The following CNTNAP2 variants were observed in gnomAD, a reference collection of about 807,000 sequenced individuals.
CNTNAP2 encodes contactin associated protein 2.
In CNTNAP2, 98 loss-of-function variants were observed where a neutral mutation model predicts 155.2. The ratio of observed to expected loss-of-function variants is 0.63; its 90% CI spans 0.54 to 0.75. CNTNAP2 has a LOEUF of 0.75. Ranked by LOEUF, CNTNAP2 falls within the 30% of genes least tolerant of loss-of-function variation. The pLI is 0.00. For synonymous variants in CNTNAP2, 651 were observed against 631.2 expected (o/e 1.03, Z -0.47); for missense variants, 1,727 against 1,688.1 (o/e 1.02, Z -0.40).
chr7:147,344,559 G>T (rs1795816824), intron 9 of CNTNAP2, among the ~76,000 whole-genome samples: 1 of 152,186 alleles, frequency 6.6e-6, no homozygotes, highest in African/African-American at 2.4e-5. Flanking sequence ...GATCTGAAAG[G>T]TATATATCAA....
intron 1 of CNTNAP2, among the ~76,000 whole-genome samples, chr7:146,313,869 C>T (rs894235210): frequency 2.0e-5 from 3 of 151,976 alleles, no homozygotes; most frequent in Non-Finnish European, 4.4e-5. Context: ...TGTGGTAGCA[C>T]ATACCTGTAG....
intron 10 of CNTNAP2, among the ~76,000 whole-genome samples, chr7:147,464,532 C>T (rs1328651683): frequency 6.7e-6 from 1 of 148,762 alleles, no homozygotes; most frequent in Non-Finnish European, 1.5e-5. Context: ...CACAAATGTG[C>T]TATGTGACCT....
At chr7:146,782,695 C>A (rs750360817) in intron 2 of CNTNAP2, among the ~76,000 whole-genome samples, 1 of 152,040 alleles carries the variant, frequency 6.6e-6, no homozygotes, top group East Asian at 1.9e-4. Flanking sequence ...AAGTATGGTC[C>A]CTCTACTTGT....
At chr7:148,412,421 T>A (rs1294809612) in intron 23 of CNTNAP2, among the ~76,000 whole-genome samples, 1 of 152,272 alleles carries the variant, frequency 6.6e-6, no homozygotes, top group Non-Finnish European at 1.5e-5. Flanking sequence ...ATTTGTCTCA[T>A]CAGTTTCTCT....
intron 3 of CNTNAP2, among the ~76,000 whole-genome samples, chr7:146,966,606 A>G (rs1344875038): frequency 6.6e-6 from 1 of 152,206 alleles, no homozygotes; most frequent in African/African-American, 2.4e-5. Context: ...TCTCCTACAG[A>G]CAAATGATTC....
At chr7:147,270,864 A>G (rs1201596338) in intron 8 of CNTNAP2, among the ~76,000 whole-genome samples, 2 of 152,188 alleles carry the variant, frequency 1.3e-5, no homozygotes, top group African/African-American at 4.8e-5. Context: ...TTCATTTGCC[A>G]TTAGGACGAC....
chr7:147,520,803 T>A (rs4282492), intron 11 of CNTNAP2, among the ~76,000 whole-genome samples: 25,384 of 152,168 alleles, frequency 0.17, 2,629 homozygotes, highest in East Asian at 0.33. Context: ...GTGTGTTATT[T>A]TCAGGGTGTT....
Position 146,391,774 on chromosome 7 carries a change from G to GTTT in CNTNAP2, c.97+274803_97+274804insTTT, listed in dbSNP as rs36004417. 1.1e-3 allele frequency among the ~76,000 whole-genome samples: 133 copies of GTTT among 126,190 alleles called. 13 individuals are homozygous for GTTT. Among genetic ancestry groups the GTTT allele is most frequent in the Admixed American group, 4.2e-3 (59 of 14,000 alleles). The allele number at this position is 126,190 out of a possible 152,430, so 82.8% of individuals were successfully genotyped here. ...TTTTGTTGTTGTTGTTGTTGTTGTT[G>GTTT]TTGGCTAAATGATTAGAACCCATGG... On this transcript the variant is annotated intron_variant, in intron 1 of 23. Coordinates refer to ENST00000361727, the MANE Select transcript of CNTNAP2 (RefSeq NM_014141.6).
At chr7:146,341,570 T>G (rs1459429486) in intron 1 of CNTNAP2, among the ~76,000 whole-genome samples, 1 of 152,122 alleles carries the variant, frequency 6.6e-6, no homozygotes, top group Non-Finnish European at 1.5e-5. Flanking sequence ...TAAAACAATT[T>G]AATCACACAT....
chr7:147,788,178 G>T (rs1210161223), intron 13 of CNTNAP2, among the ~76,000 whole-genome samples: 2 of 152,184 alleles, frequency 1.3e-5, no homozygotes, highest in Non-Finnish European at 2.9e-5. Context: ...ATATTTAAGA[G>T]ACTCACAACT....
chr7:146,381,049 C>T (rs1795379510), intron 1 of CNTNAP2, among the ~76,000 whole-genome samples: 2 of 151,736 alleles, frequency 1.3e-5, no homozygotes, highest in Non-Finnish European at 1.5e-5. Flanking sequence ...CCGCCCGCCT[C>T]GGCCTCCCAA....
chr7:148,301,306 A>AAAAAT lies in CNTNAP2; in HGVS notation c.3475+34181_3475+34182insAAATA. On this transcript the variant is annotated intron_variant, in intron 21 of 23. Coordinates refer to ENST00000361727, the MANE Select transcript of CNTNAP2 (RefSeq NM_014141.6). ...GAGACTCCGTCTAAAAAAAAAAAAA[A>AAAAAT]ATATATATATATATATAGGTTAAAA... 4.4e-4 allele frequency among the ~76,000 whole-genome samples: 46 copies of AAAAAT among 103,834 alleles called. 1 individual carries two copies. Among genetic ancestry groups the AAAAAT allele is most frequent in the Admixed American group, 2.9e-3 (28 of 9,780 alleles). The allele number at this position is 103,834 out of a possible 152,430, so 68.1% of individuals were successfully genotyped here. A position where few individuals can be genotyped will look rare whatever the true frequency, so the allele number is the denominator to read the frequency against.
intron 9 of CNTNAP2, among the ~76,000 whole-genome samples, chr7:147,353,605 A>T (rs1327182636): frequency 6.6e-6 from 1 of 152,162 alleles, no homozygotes; most frequent in Admixed American, 6.5e-5. Context: ...TGCAGTAAAC[A>T]TATGTGTGTA....
chr7:146,562,300 T>TA (rs569470307), intron 1 of CNTNAP2, among the ~76,000 whole-genome samples: 2 of 152,060 alleles, frequency 1.3e-5, no homozygotes, highest in Admixed American at 1.3e-4. Context: ...CTTATATTTT[T>TA]AAAAAAATTT....
rs1419860188 is a variant in CNTNAP2 at position 148,143,496 on chromosome 7, T to A, written c.2555-3995T>A. Among the ~76,000 whole-genome samples the A allele has an allele frequency of 9.9e-5, 15 of 152,050 alleles. No individual in the cohort carries two copies. The East Asian group carries it at 2.7e-3, about 27-fold the overall frequency. ...GATTTCGAGATGAGCCTGGGCAACATGGCAAAACCCCATCTCTACAAAAAA... is the reference window on the plus strand; with the variant it reads ...GATTTCGAGATGAGCCTGGGCAACAAGGCAAAACCCCATCTCTACAAAAAA... On this transcript the variant is annotated intron_variant, in intron 16 of 23. Coordinates refer to ENST00000361727, the MANE Select transcript of CNTNAP2 (RefSeq NM_014141.6).
intron 20 of CNTNAP2, among the ~76,000 whole-genome samples, chr7:148,263,582 C>CA (rs1796600856): frequency 6.6e-6 from 1 of 151,808 alleles, no homozygotes. Context: ...ACTAAAAATA[C>CA]AAAAATTAGC....
chr7:147,002,218 G>C (rs1167706402), intron 3 of CNTNAP2, among the ~76,000 whole-genome samples: 2 of 151,982 alleles, frequency 1.3e-5, no homozygotes, highest in Non-Finnish European at 2.9e-5. Context: ...AGAATGTCCA[G>C]CCAAATGGAT....
At chr7:147,531,967 C>T (rs1046656096) in intron 11 of CNTNAP2, among the ~76,000 whole-genome samples, 1 of 151,828 alleles carries the variant, frequency 6.6e-6, no homozygotes, top group Non-Finnish European at 1.5e-5. Context: ...CCACCATGTC[C>T]GACTAATTTT....
At chr7:147,875,404 T>C (rs940777075) in intron 13 of CNTNAP2, among the ~76,000 whole-genome samples, 1 of 152,130 alleles carries the variant, frequency 6.6e-6, no homozygotes, top group Non-Finnish European at 1.5e-5. Flanking sequence ...GTGAGACTTA[T>C]TCACTATCAT....
Sources: gnomAD v4.1 joint callset for allele counts (sites outside exome capture counted in the v4.1 genomes callset) on GRCh38, gnomAD v4.1.1 for gene constraint, MANE v1.5 for transcripts, NCBI Gene and HGNC (gene_info 2026-07-23, HGNC 2026-07-21) for gene names.